Variants in SPAG6 observed in about 807,000 individuals in gnomAD.
SPAG6 encodes sperm associated antigen 6, also known as sperm-associated antigen 6.
SPAG6 carries 49 observed loss-of-function variants against 58.5 expected under a neutral mutation model. That is an observed-to-expected ratio of 0.84 (90% confidence interval 0.67 to 1.06). SPAG6 has a LOEUF of 1.06. SPAG6 is among the 50% of genes least tolerant of loss of function. The pLI is 0.00. For missense variants in SPAG6, 560 were observed against 611.3 expected, an observed-to-expected ratio of 0.92 and a Z score of 0.89; for synonymous variants, 233 against 225.6, an observed-to-expected ratio of 1.03 and a Z score of -0.29.
chr10:22,354,055 C>T (rs1044135149), intron 2 of SPAG6, among the ~76,000 whole-genome samples: 6 of 152,008 alleles, frequency 3.9e-5, no homozygotes, highest in Admixed American at 2.0e-4. Context: ...TGAAGGGCCT[C>T]GTATGAAGTT....
intron 2 of SPAG6, among the ~76,000 whole-genome samples, chr10:22,358,312 G>C (rs1836927735): frequency 6.6e-6 from 1 of 151,996 alleles, no homozygotes; most frequent in Non-Finnish European, 1.5e-5. Context: ...TTGTGGTTTT[G>C]ATTTGCATTT....
chr10:22,378,055 CTTTTTTTTTT>C (rs776198268), intron 4 of SPAG6, among the ~76,000 whole-genome samples: 11 of 123,014 alleles, frequency 8.9e-5, no homozygotes, highest in African/African-American at 1.3e-4. Context: ...CTTTTCTTTT[CTTTTTTTTTT>C]TTTTTTTTTT....
chr10:22,387,721 T>A, intron 5 of SPAG6, 102 bp from the exon 6 acceptor site: 3 of 1,154,074 alleles, frequency 2.6e-6, no homozygotes, highest in Non-Finnish European at 3.5e-6. Context: ...TTTCCTTTTA[T>A]AAAGGAATTT....
chr10:22,365,968 G>C (rs1464570474), intron 3 of SPAG6, among the ~76,000 whole-genome samples: 1 of 152,170 alleles, frequency 6.6e-6, no homozygotes, highest in Admixed American at 6.5e-5. Context: ...TTGCTGGTAG[G>C]AATGTAAAAT....
intron 4 of SPAG6, among the ~76,000 whole-genome samples, chr10:22,371,531 G>A (rs778065304): frequency 2.2e-4 from 34 of 152,124 alleles, no homozygotes; most frequent in Non-Finnish European, 4.3e-4. Context: ...GATTACAGGC[G>A]TGAGCTACTG....
intron 5 of SPAG6, among the ~76,000 whole-genome samples, chr10:22,387,511 T>A (rs1053713368): frequency 6.6e-6 from 1 of 152,156 alleles, no homozygotes; most frequent in Admixed American, 6.6e-5. Context: ...ACCTGTCTCA[T>A]AAATTAGCAA....
intron 9 of SPAG6, among the ~76,000 whole-genome samples, chr10:22,408,738 G>A (rs1029883492): frequency 8.5e-5 from 13 of 152,196 alleles, no homozygotes; most frequent in East Asian, 3.9e-4. Flanking sequence ...CCCCAGCCTC[G>A]CTGCCGCCTT....
intron 4 of SPAG6, among the ~76,000 whole-genome samples, chr10:22,373,326 A>T (rs1487839119): frequency 6.6e-6 from 1 of 152,356 alleles, no homozygotes; most frequent in East Asian, 1.9e-4. Context: ...GTATTGAATG[A>T]TGAAATGATA....
At chr10:22,380,394 C>G (rs1243020864) in intron 4 of SPAG6, among the ~76,000 whole-genome samples, 1 of 152,112 alleles carries the variant, frequency 6.6e-6, no homozygotes, top group Non-Finnish European at 1.5e-5. Flanking sequence ...ACTTCTGCCT[C>G]CTGGGTTCAA....
At chr10:22,365,863 G>A (rs1009727705) in intron 3 of SPAG6, among the ~76,000 whole-genome samples, 1 of 151,956 alleles carries the variant, frequency 6.6e-6, no homozygotes, top group African/African-American at 2.4e-5. Flanking sequence ...CCACAATGAG[G>A]TATCACTTCA....
intron 8 of SPAG6, among the ~76,000 whole-genome samples, chr10:22,394,538 A>T (rs963090967): frequency 6.6e-6 from 1 of 152,184 alleles, no homozygotes; most frequent in African/African-American, 2.4e-5. Context: ...TTACAGAATT[A>T]TGAAACCATC....
At chr10:22,362,493 C>A (rs745421084) in intron 2 of SPAG6, among the ~76,000 whole-genome samples, 1 of 151,826 alleles carries the variant, frequency 6.6e-6, no homozygotes, top group Non-Finnish European at 1.5e-5. Flanking sequence ...GTAATTCCAG[C>A]ACTGTGGGAG....
chr10:22,377,666 C>T (rs1833849410), intron 4 of SPAG6, among the ~76,000 whole-genome samples: 2 of 152,244 alleles, frequency 1.3e-5, no homozygotes, highest in African/African-American at 4.8e-5. Flanking sequence ...GTGTGAGAAC[C>T]ACTCAGGGGA....
chr10:22,360,523 A>G (rs1387175291), intron 2 of SPAG6, among the ~76,000 whole-genome samples: 1 of 152,100 alleles, frequency 6.6e-6, no homozygotes, highest in East Asian at 1.9e-4. Context: ...AAAAATAGGC[A>G]AGGAACTCAA....
chr10:22,403,108 C>T (rs1834454215), intron 9 of SPAG6, among the ~76,000 whole-genome samples: 1 of 151,790 alleles, frequency 6.6e-6, no homozygotes. Context: ...TATAAATGTG[C>T]CTTCAGGAAT....
At chr10:22,371,156 T>G (rs1564366881) in intron 4 of SPAG6, among the ~76,000 whole-genome samples, 1 of 152,212 alleles carries the variant, frequency 6.6e-6, no homozygotes, top group Non-Finnish European at 1.5e-5. Flanking sequence ...GATTATTGCA[T>G]AGATTTCTCA....
chr10:22,402,214 A>G lies in SPAG6; in HGVS notation c.1314+937A>G, dbSNP rs564315865. 3.9e-5 allele frequency among the ~76,000 whole-genome samples: 6 copies of G among 152,356 alleles called. No individual in the cohort carries two copies. The East Asian group carries it at 1.2e-3, about 29-fold the overall frequency. ...CAGGCACATATTAAGCACGCAAAAG[A>G]ACAAAAACAACCAAAGAGTTGTATT... On this transcript the variant is annotated intron_variant, in intron 9 of 10. Transcript: ENST00000376624.
chr10:22,411,203 C>A, intron 10 of SPAG6, 27 bp downstream of exon 10: 1 of 1,581,946 alleles, frequency 6.3e-7, no homozygotes, highest in South Asian at 1.2e-5. Context: ...TTGAAACGTT[C>A]AATATTAGAA....
Position 22,412,390 on chromosome 10 carries a change from C to A in SPAG6, c.1460+1214C>A, listed in dbSNP as rs939227500. On this transcript the variant is annotated intron_variant, in intron 10 of 10. Transcript: ENST00000376624. The stretch of plus-strand genomic sequence containing the variant: ...CGTATGGTAACATTAATTTTAAAAG[C>A]ACAAAAGCAATTTTAAGATTAAAAT... The A allele has an allele frequency of 6.3e-6, 6 of 951,858 alleles. No individual in the cohort carries two copies. The Admixed American group carries it at 6.6e-5, about 10-fold the overall frequency. 59.0% of individuals were successfully genotyped at this position (951,858 alleles called of 1,614,324 possible). A position where few individuals can be genotyped will look rare whatever the true frequency, so the allele number is the denominator to read the frequency against.
Sources: gnomAD v4.1 joint callset for allele counts (sites outside exome capture counted in the v4.1 genomes callset) on GRCh38, gnomAD v4.1.1 for gene constraint, MANE v1.5 for transcripts, NCBI Gene and HGNC (gene_info 2026-07-23, HGNC 2026-07-21) for gene names.